Variants in PRDM16 observed in about 807,000 individuals in gnomAD.
PRDM16 encodes the protein PR/SET domain 16.
A neutral mutation model predicts 110.6 loss-of-function variants in PRDM16; 23 were observed. The observed-to-expected ratio is 0.21, with a 90% CI of 0.15 to 0.29. The LOEUF (loss-of-function observed/expected upper bound fraction) is 0.29. PRDM16 is among the 10% of genes least tolerant of loss of function. The pLI is 1.00. For missense variants in PRDM16, 1,615 were observed against 1,794.3 expected (o/e 0.90, Z 1.81); for synonymous variants, 799 against 781.8 (o/e 1.02, Z -0.37).
chr1:3,395,228 C>T lies in PRDM16; in HGVS notation c.574-1263C>T, dbSNP rs79463595. 4.1e-3 allele frequency among the ~76,000 whole-genome samples: 630 copies of T among 152,224 alleles called. 4 individuals carry two copies. The highest frequency in any genetic ancestry group is 7.9e-3 in the South Asian group (38 of 4,822). ...GCAGGGGCCACACCCAGCCCTGTCTCGGGGGTGCCCAGCTGTGTCCAGCCA... is the reference window on the plus strand; with the variant it reads ...GCAGGGGCCACACCCAGCCCTGTCTTGGGGGTGCCCAGCTGTGTCCAGCCA... On this transcript the variant is annotated intron_variant, in intron 4 of 16. Coordinates refer to ENST00000270722, the MANE Select transcript of PRDM16 (RefSeq NM_022114.4).
At chr1:3,151,961 G>A (rs1643782440) in intron 1 of PRDM16, among the ~76,000 whole-genome samples, 1 of 152,178 alleles carries the variant, frequency 6.6e-6, no homozygotes, top group Non-Finnish European at 1.5e-5. Context: ...AGAGAACAGG[G>A]GTCTGGTGGG....
intron 3 of PRDM16, among the ~76,000 whole-genome samples, chr1:3,276,368 C>A (rs980144721): frequency 3.9e-5 from 6 of 151,948 alleles, no homozygotes; most frequent in African/African-American, 1.5e-4. Flanking sequence ...CTCTGTGGGT[C>A]CATCCCAGGA....
intron 3 of PRDM16, among the ~76,000 whole-genome samples, chr1:3,335,585 CCTTTGG>C (rs1340390549): frequency 7.2e-6 from 1 of 138,640 alleles, no homozygotes; most frequent in Non-Finnish European, 1.5e-5. Context: ...TGAAATCTAA[CCTTTGG>C]CTGAGGTTAA....
rs548033813 is a variant in PRDM16 at position 3,143,918 on chromosome 1, A to C, written c.38-42207A>C. ...CTTGGGGTTCCTGGGGCATCTTGTCATGTGTTAGTCGTAGTGAAGGCTCCA... is the reference window on the plus strand; with the variant it reads ...CTTGGGGTTCCTGGGGCATCTTGTCCTGTGTTAGTCGTAGTGAAGGCTCCA... On this transcript the variant is annotated intron_variant, in intron 1 of 16. Transcript: ENST00000270722. The surrounding 1 kb of genome is among the most constrained non-coding windows in gnomAD (Gnocchi z 4.5). 1.3e-5 allele frequency among the ~76,000 whole-genome samples: 2 copies of C among 152,208 alleles called. No individual in the cohort carries two copies. Among genetic ancestry groups the C allele is most frequent in the South Asian group, 4.1e-4 (2 of 4,820 alleles).
At chr1:3,222,031 G>C (rs746885965) in intron 2 of PRDM16, among the ~76,000 whole-genome samples, 1 of 152,214 alleles carries the variant, frequency 6.6e-6, no homozygotes, top group Non-Finnish European at 1.5e-5. Flanking sequence ...GGCGTCCACT[G>C]CTCCCCAGCA....
intron 5 of PRDM16, among the ~76,000 whole-genome samples, chr1:3,401,850 CAT>C (rs201955090): frequency 0.036 from 5,455 of 151,756 alleles, 287 homozygotes; most frequent in African/African-American, 0.12. Flanking sequence ...ACAAACCACA[CAT>C]GTGCAAGTAT....
At chr1:3,421,781 T>C (rs754481727) in intron 12 of PRDM16, among the ~76,000 whole-genome samples, 8 of 152,246 alleles carry the variant, frequency 5.3e-5, no homozygotes, top group Non-Finnish European at 1.0e-4. Flanking sequence ...AGCCATTAGG[T>C]GGACTTTCTG....
At chr1:3,387,550 A>G (rs531270694) in intron 4 of PRDM16, among the ~76,000 whole-genome samples, 1 of 152,288 alleles carries the variant, frequency 6.6e-6, no homozygotes, top group East Asian at 1.9e-4. Context: ...CCTCATAGGT[A>G]GCACAGCCGG....
intron 1 of PRDM16, among the ~76,000 whole-genome samples, chr1:3,090,618 A>G (rs1438520073): frequency 1.3e-5 from 2 of 152,126 alleles, no homozygotes; most frequent in Non-Finnish European, 2.9e-5. Flanking sequence ...AGGGCTTCTC[A>G]CCTGACTCTG....
chr1:3,231,061 G>A (rs1639397790), intron 2 of PRDM16, among the ~76,000 whole-genome samples: 5 of 152,116 alleles, frequency 3.3e-5, no homozygotes, highest in Admixed American at 3.3e-4. Flanking sequence ...TTGGAGCCGT[G>A]GTGTCTCTGC....
At chr1:3,297,183 C>T (rs564401223) in intron 3 of PRDM16, among the ~76,000 whole-genome samples, 19 of 152,222 alleles carry the variant, frequency 1.2e-4, no homozygotes, top group East Asian at 5.8e-4. Context: ...CTCCAGGTCC[C>T]GGCGTCTCCT....
rs926304218 is a variant in PRDM16 at position 3,272,521 on chromosome 1, G to A, written c.438+28384G>A. ...GACCTCGGGGAGGCTCGCACTGGGGGCTCGGGAAACACCCGCCTCCTGGGG... is the reference window on the plus strand; with the variant it reads ...GACCTCGGGGAGGCTCGCACTGGGGACTCGGGAAACACCCGCCTCCTGGGG... On this transcript the variant is annotated intron_variant, in intron 3 of 16. Coordinates refer to ENST00000270722, the MANE Select transcript of PRDM16 (RefSeq NM_022114.4). Among the ~76,000 whole-genome samples the A allele has an allele frequency of 1.2e-4, 18 of 152,186 alleles. 1 individual carries two copies. Among genetic ancestry groups the A allele is most frequent in the Non-Finnish European group, 1.3e-4 (9 of 68,032 alleles).
intron 1 of PRDM16, 138 bp from the exon 2 acceptor site, chr1:3,185,987 G>A (rs1644262320): frequency 8.8e-6 from 6 of 684,036 alleles, no homozygotes; most frequent in South Asian, 7.1e-5. Flanking sequence ...CGTCTCCCGG[G>A]CAGGGGTGGC....
intron 1 of PRDM16, among the ~76,000 whole-genome samples, chr1:3,083,185 C>T (rs575794672): frequency 2.6e-5 from 4 of 152,324 alleles, no homozygotes; most frequent in African/African-American, 9.6e-5. Context: ...TTAAACGTCT[C>T]GTCCGAGACC....
chr1:3,147,629 C>T (rs56282707), intron 1 of PRDM16, among the ~76,000 whole-genome samples: 2,033 of 152,258 alleles, frequency 0.013, 45 homozygotes, highest in African/African-American at 0.045. Flanking sequence ...TTGGGGAGGC[C>T]AAGGCACATC....
In PRDM16 at chr1:3,437,363, C is replaced by T. The variant is rs74048480; in HGVS notation, c.*3552C>T. 1.0e-3 allele frequency: 238 copies of T among 232,402 alleles called. No homozygotes were observed. The highest frequency in any genetic ancestry group is 4.9e-3 in the African/African-American group (221 of 45,422). The allele number at this position is 232,402 out of a possible 1,614,324, so 14.4% of individuals were successfully genotyped here. A position where few individuals can be genotyped will look rare whatever the true frequency, so the allele number is the denominator to read the frequency against. On this transcript the variant is annotated 3_prime_UTR_variant, in exon 17 of 17. Transcript: ENST00000270722. ...AAAACACTTGCCTGAATACATATCA[C>T]GTATTTTAGACTCGAAGCCTCAAAG...
chr1:3,336,459 T>G (rs892416390), intron 3 of PRDM16, among the ~76,000 whole-genome samples: 5 of 152,048 alleles, frequency 3.3e-5, no homozygotes, highest in Non-Finnish European at 7.4e-5. Flanking sequence ...GGAGTGAGCC[T>G]GTGTGTGTGC....
chr1:3,301,346 A>G (rs1297450448), intron 3 of PRDM16, among the ~76,000 whole-genome samples: 15 of 122,880 alleles, frequency 1.2e-4, no homozygotes, highest in Admixed American at 7.6e-4. Flanking sequence ...AAAAAAAAAA[A>G]AAAGAAAAAA....
chr1:3,128,674 C>T (rs1643262250), intron 1 of PRDM16, among the ~76,000 whole-genome samples: 1 of 62,662 alleles, frequency 1.6e-5, no homozygotes, highest in South Asian at 4.9e-4. Context: ...GTTCCTCCCA[C>T]CATGCTACTG....
Sources: gnomAD v4.1 joint callset for allele counts (sites outside exome capture counted in the v4.1 genomes callset) on GRCh38, gnomAD v4.1.1 for gene constraint, Gnocchi (gnomAD v3.1) non-coding constraint, MANE v1.5 for transcripts, NCBI Gene and HGNC (gene_info 2026-07-23, HGNC 2026-07-21) for gene names.